The following JARID2 variants were observed in gnomAD, a reference collection of about 807,000 sequenced individuals.
JARID2 encodes protein Jumonji.
Under a neutral mutation model 125.6 loss-of-function variants are expected in JARID2, and 21 were observed. The observed-to-expected ratio is 0.17, with a 90% CI of 0.12 to 0.24. JARID2 has a LOEUF of 0.24. Ranked by LOEUF, JARID2 falls within the 10% of genes least tolerant of loss-of-function variation. The pLI is 1.00. For synonymous variants in JARID2, 736 were observed against 661.6 expected (o/e 1.11, Z -1.73); for missense variants, 1,303 against 1,639.6 (o/e 0.79, Z 3.55).
intron 2 of JARID2, among the ~76,000 whole-genome samples, chr6:15,398,387 C>G (rs539584215): frequency 6.6e-6 from 1 of 152,314 alleles, no homozygotes; most frequent in East Asian, 1.9e-4. Context: ...GCCCTCTGCT[C>G]TTTCTTGTCT....
intron 3 of JARID2, among the ~76,000 whole-genome samples, chr6:15,418,513 T>G (rs1766338534): frequency 6.6e-6 from 1 of 152,164 alleles, no homozygotes; most frequent in Admixed American, 6.6e-5. Flanking sequence ...CTGTGCCCGG[T>G]CAACTATATT....
At chr6:15,481,919 C>A (rs1293679995) in intron 5 of JARID2, among the ~76,000 whole-genome samples, 1 of 152,198 alleles carries the variant, frequency 6.6e-6, no homozygotes, top group Admixed American at 6.5e-5. Flanking sequence ...TCACCTGCCT[C>A]CCTCTCGTCT....
At chr6:15,442,093 T>C (rs1191908321) in intron 3 of JARID2, among the ~76,000 whole-genome samples, 3 of 151,880 alleles carry the variant, frequency 2.0e-5, no homozygotes, top group Admixed American at 6.6e-5. Context: ...TTTCTTCTTA[T>C]ATTTCTCTTG....
At position 15,246,083 on chromosome 6, in the gene JARID2, T is replaced by C. The variant is rs970362692; in HGVS notation, c.-457T>C. On this transcript the variant is annotated 5_prime_UTR_variant, in exon 1 of 18. Transcript: ENST00000341776. ...CCGCCGCCGCTGGAGTTGACTCTTC[T>C]GCTCGCACTGCTGCTGCAGCACAAA... Among the ~76,000 whole-genome samples, 3 of 152,376 alleles carry C rather than the reference T, an allele frequency of 2.0e-5. No homozygotes were observed. The highest frequency in any genetic ancestry group is 2.4e-5 in the African/African-American group (1 of 41,600).
At chr6:15,433,922 G>A (rs1561860272) in intron 3 of JARID2, among the ~76,000 whole-genome samples, 1 of 5,704 alleles carries the variant, frequency 1.8e-4, no homozygotes, top group Non-Finnish European at 6.0e-4. Flanking sequence ...ACTCTCCAGG[G>A]TGTGTGTGTG....
intron 1 of JARID2, among the ~76,000 whole-genome samples, chr6:15,358,221 T>C (rs565028882): frequency 6.6e-6 from 1 of 152,336 alleles, no homozygotes; most frequent in Non-Finnish European, 1.5e-5. Context: ...CTGTTTACTA[T>C]TTCTGCTTAT....
chr6:15,287,947 G>A (rs1367539690), intron 1 of JARID2, among the ~76,000 whole-genome samples: 3 of 152,182 alleles, frequency 2.0e-5, no homozygotes, highest in East Asian at 1.9e-4. Context: ...CCAGTACCTA[G>A]CACAGTGTCA....
At chr6:15,420,992 GC>G (rs925104072) in intron 3 of JARID2, among the ~76,000 whole-genome samples, 3 of 152,320 alleles carry the variant, frequency 2.0e-5, no homozygotes, top group Non-Finnish European at 2.9e-5. Flanking sequence ...TTAGTACTCA[GC>G]GGAAGACATG....
intron 3 of JARID2, among the ~76,000 whole-genome samples, chr6:15,441,630 C>T (rs1422296361): frequency 1.3e-5 from 2 of 152,172 alleles, no homozygotes; most frequent in African/African-American, 4.8e-5. Flanking sequence ...TTAGAGGACA[C>T]TCTGAGTGCC....
rs551169252 is a variant in JARID2 at position 15,490,522 on chromosome 6, C to T, written c.906+2980C>T. 2.6e-5 allele frequency among the ~76,000 whole-genome samples: 4 copies of T among 152,312 alleles called. No homozygotes were observed. In the South Asian group the frequency reaches 8.3e-4, roughly 32 times the overall value. The stretch of plus-strand genomic sequence containing the variant: ...ACACCAGTGCGTACTTCACCTAAGC[C>T]TTTTTCTTGGTGAGAGGGCTCTGGC... On this transcript the variant is annotated intron_variant, in intron 6 of 17. Coordinates refer to ENST00000341776, the MANE Select transcript of JARID2 (RefSeq NM_004973.4).
At chr6:15,392,039 GGTGTGTGTGTGTGTGTGTGTGT>G (rs55811028) in intron 2 of JARID2, among the ~76,000 whole-genome samples, 1 of 122,724 alleles carries the variant, frequency 8.1e-6, no homozygotes, top group East Asian at 2.5e-4. Context: ...ATCCCAGAGT[GGTGTGTGTGTGTGTGTGTGTGT>G]GTGTGTGTGT....
chr6:15,506,991 C>T, intron 9 of JARID2, 145 bp from the exon 10 acceptor site: 1 of 628,482 alleles, frequency 1.6e-6, no homozygotes, highest in South Asian at 1.9e-5. Flanking sequence ...GCATTAGCGT[C>T]CTGCTGGAGA....
Position 15,337,248 on chromosome 6 carries a change from A to G in JARID2, c.46-36869A>G, listed in dbSNP as rs537909370. Among the ~76,000 whole-genome samples the G allele has an allele frequency of 7.2e-4, 110 of 152,098 alleles. 1 individual carries two copies. The highest frequency in any genetic ancestry group is 2.2e-4 in the Non-Finnish European group (15 of 68,030). On this transcript the variant is annotated intron_variant, in intron 1 of 17. Coordinates refer to ENST00000341776, the MANE Select transcript of JARID2 (RefSeq NM_004973.4). ...AATGGCTCTTATCTCTTTCCTTACAATGTTAAGAGTTTTCCTCTAGGCATT... is the reference window on the plus strand; with the variant it reads ...AATGGCTCTTATCTCTTTCCTTACAGTGTTAAGAGTTTTCCTCTAGGCATT...
At chr6:15,367,445 T>TC (rs991196521) in intron 1 of JARID2, among the ~76,000 whole-genome samples, 5 of 152,210 alleles carry the variant, frequency 3.3e-5, no homozygotes, top group African/African-American at 4.8e-5. Flanking sequence ...TAGTTTTTTT[T>TC]CATATATTGT....
At chr6:15,265,660 A>G (rs1305149262) in intron 1 of JARID2, among the ~76,000 whole-genome samples, 2 of 152,142 alleles carry the variant, frequency 1.3e-5, no homozygotes, top group Non-Finnish European at 2.9e-5. Flanking sequence ...TTTCCAGGCA[A>G]TTAAGGAGTA....
rs761039798 is a variant in JARID2 at position 15,514,712 on chromosome 6, C to T, written c.3450+1290C>T. On this transcript the variant is annotated intron_variant, in intron 16 of 17. Transcript: ENST00000341776. ...TCCTCATCTCCTCCTTACCTAAGGA[C>T]GCAAATCACATTGTATCAGATAGGC... Among the ~76,000 whole-genome samples the T allele has an allele frequency of 5.3e-5, 8 of 152,148 alleles. No individual in the cohort carries two copies. In the East Asian group the frequency reaches 7.7e-4, roughly 15 times the overall value.
At chr6:15,495,790 G>T (rs1356065172) in intron 6 of JARID2, among the ~76,000 whole-genome samples, 3 of 152,168 alleles carry the variant, frequency 2.0e-5, no homozygotes, top group African/African-American at 7.2e-5. Flanking sequence ...CATGGCACGT[G>T]GGGAGGTCTT....
chr6:15,346,898 T>C (rs1581439073), intron 1 of JARID2, among the ~76,000 whole-genome samples: 1 of 151,844 alleles, frequency 6.6e-6, no homozygotes, highest in Non-Finnish European at 1.5e-5. Context: ...ACCACACCCA[T>C]CTAATTTTTG....
intron 1 of JARID2, among the ~76,000 whole-genome samples, chr6:15,336,085 GTGAATGAA>G (rs5874508): frequency 0.067 from 10,033 of 149,414 alleles, 465 homozygotes; most frequent in East Asian, 0.25. Context: ...GTCTCCAAGG[GTGAATGAA>G]TGAATGAATG....
Sources: allele counts gnomAD v4.1 joint callset (sites outside exome capture counted in the v4.1 genomes callset), GRCh38; gene constraint gnomAD v4.1.1; transcripts MANE v1.5; gene names NCBI Gene and HGNC (gene_info 2026-07-23, HGNC 2026-07-21).